Variants in BCAT2 observed in about 807,000 individuals in gnomAD.
The protein encoded by BCAT2 is branched chain amino acid transaminase 2.
A neutral mutation model predicts 52.9 loss-of-function variants in BCAT2; 44 were observed. That is an observed-to-expected ratio of 0.83 (90% CI 0.65 to 1.07). The LOEUF (loss-of-function observed/expected upper bound fraction) is 1.07. Ranked by LOEUF, BCAT2 falls within the 50% of genes least tolerant of loss-of-function variation. BCAT2 has a pLI of 0.00. For missense variants in BCAT2, 478 were observed against 521.8 expected, an observed-to-expected ratio of 0.92 and a Z score of 0.82; for synonymous variants, 215 against 217.1, an observed-to-expected ratio of 0.99 and a Z score of 0.08.
At chr19:48,810,770 C>A in intron 1 of BCAT2, 398 of 812,924 alleles carry the variant, frequency 4.9e-4, no homozygotes, top group Non-Finnish European at 5.8e-4. Flanking sequence ...CCGCCAATTA[C>A]TTGCCCCACC....
intron 8 of BCAT2, 100 bp downstream of exon 8, chr19:48,796,837 G>A (rs2034534368): frequency 1.9e-6 from 3 of 1,592,078 alleles, no homozygotes; most frequent in Non-Finnish European, 1.7e-6. Context: ...ACAGACCCAG[G>A]AGAAGGGGCA....
intron 10 of BCAT2, chr19:48,796,088 T>C: frequency 2.2e-6 from 1 of 456,688 alleles, no homozygotes; most frequent in Non-Finnish European, 3.9e-6. Context: ...AGGGAGGGAG[T>C]TTCTCCCACC....
intron 1 of BCAT2, among the ~76,000 whole-genome samples, chr19:48,809,994 C>T (rs992980391): frequency 2.0e-5 from 3 of 152,018 alleles, no homozygotes; most frequent in African/African-American, 7.2e-5. Context: ...GAGTTCAGGG[C>T]CATTCTATGA....
intron 3 of BCAT2, among the ~76,000 whole-genome samples, chr19:48,802,436 G>A (rs2034676819): frequency 7.1e-6 from 1 of 141,778 alleles, no homozygotes; most frequent in Admixed American, 7.6e-5. Context: ...GTGTGTACTG[G>A]ATTCCTTTTT....
intron 1 of BCAT2, 167 bp downstream of exon 1, chr19:48,810,817 A>C (rs1599815960): frequency 6.9e-7 from 1 of 1,458,024 alleles, no homozygotes; most frequent in African/African-American, 1.5e-5. Flanking sequence ...ACCCCATTAA[A>C]GCCTCGTGCT....
At position 48,799,904 on chromosome 19, in the gene BCAT2, G is replaced by T; in HGVS notation, c.532-66C>A. On this transcript the variant is annotated intron_variant, in intron 5 of 10. Transcript: ENST00000316273. This position sits in a 1 kb window ranked among gnomAD's most constrained non-coding sequence, Gnocchi z 5.5. ...CAGTCCCTTCCCGTCCCCAGGCCCAGGCCTCCAGGACCCCACCCCTGCCCT... is the reference window on the plus strand; with the variant it reads ...CAGTCCCTTCCCGTCCCCAGGCCCATGCCTCCAGGACCCCACCCCTGCCCT... 6.3e-7 allele frequency: 1 copy of T among 1,597,092 alleles called. No homozygotes were observed. Among genetic ancestry groups the T allele is most frequent in the Non-Finnish European group, 8.5e-7 (1 of 1,172,514 alleles).
Position 48,799,620 on chromosome 19 carries a change from C to T in BCAT2, c.695+55G>A. ...TGGCCGAAAGCACGCACGCTGGTCC[C>T]TGTGTCTCCAACGCCCAGTGCGCCA... On this transcript the variant is annotated intron_variant, in intron 6 of 10. Coordinates refer to ENST00000316273, the MANE Select transcript of BCAT2 (RefSeq NM_001190.4). The surrounding 1 kb of genome is among the most constrained non-coding windows in gnomAD (Gnocchi z 5.5). 6.7e-7 allele frequency: 1 copy of T among 1,498,010 alleles called. No individual in the cohort carries two copies. The highest frequency in any genetic ancestry group is 8.9e-7 in the Non-Finnish European group (1 of 1,126,832). 92.8% of individuals were successfully genotyped at this position (1,498,010 alleles called of 1,614,324 possible).
intron 1 of BCAT2, among the ~76,000 whole-genome samples, chr19:48,809,619 T>C (rs2034875263): frequency 1.3e-5 from 2 of 151,878 alleles, no homozygotes; most frequent in African/African-American, 4.8e-5. Context: ...TGCCTGTAAC[T>C]TATCAGAACT....
In BCAT2 at chr19:48,799,318, G is replaced by T; in HGVS notation, c.695+357C>A. The T allele has an allele frequency of 4.7e-6, 1 of 210,530 alleles. No homozygotes were observed. The highest frequency in any genetic ancestry group is 9.3e-6 in the Non-Finnish European group (1 of 106,990). 13.0% of individuals were successfully genotyped at this position (210,530 alleles called of 1,614,324 possible). ...CAAACGACTGTGGGAGCTGGGTATGGGGAGCGCAGCCCAGCCTGGGGGATC... is the reference window on the plus strand; with the variant it reads ...CAAACGACTGTGGGAGCTGGGTATGTGGAGCGCAGCCCAGCCTGGGGGATC... On this transcript the variant is annotated intron_variant, in intron 6 of 10. Transcript: ENST00000316273. The surrounding 1 kb of genome is among the most constrained non-coding windows in gnomAD (Gnocchi z 5.5).
At chr19:48,808,628 G>A (rs903487221) in intron 1 of BCAT2, among the ~76,000 whole-genome samples, 3 of 151,872 alleles carry the variant, frequency 2.0e-5, no homozygotes, top group Admixed American at 6.6e-5. Context: ...GGTGGCGGGC[G>A]CCTGTAGTCC....
chr19:48,799,387 C>A lies in BCAT2; in HGVS notation c.695+288G>T. ...GAGAAGCCAATGAGCTGAGTGTAAG[C>A]TTCACTCCTGGAGGCTTCCAGGGAC... On this transcript the variant is annotated intron_variant, in intron 6 of 10. Coordinates refer to ENST00000316273, the MANE Select transcript of BCAT2 (RefSeq NM_001190.4). This position sits in a 1 kb window ranked among gnomAD's most constrained non-coding sequence, Gnocchi z 5.5. 1 of 362,332 alleles carries A rather than the reference C, an allele frequency of 2.8e-6. No homozygotes were observed. Among genetic ancestry groups the A allele is most frequent in the Non-Finnish European group, 4.9e-6 (1 of 203,758 alleles). 22.4% of individuals were successfully genotyped at this position (362,332 alleles called of 1,614,324 possible).
intron 1 of BCAT2, chr19:48,810,684 A>G: frequency 1.3e-6 from 1 of 752,546 alleles, no homozygotes; most frequent in Non-Finnish European, 1.8e-6. Flanking sequence ...CCCAAATCAC[A>G]ACCTCCCCAC....
rs2034905283 is a variant in BCAT2 at position 48,810,818 on chromosome 19, G to T, written c.24+166C>A. The T allele has an allele frequency of 4.3e-6, 6 of 1,379,794 alleles. No individual in the cohort carries two copies. In the South Asian group the frequency reaches 5.6e-5, roughly 13 times the overall value. The allele number at this position is 1,379,794 out of a possible 1,614,324, so 85.5% of individuals were successfully genotyped here. A position where few individuals can be genotyped will look rare whatever the true frequency, so the allele number is the denominator to read the frequency against. Reference sequence around the variant, plus strand: ...ACCTGCTCCCCCTCACCCCATTAAAGCCTCGTGCTCCTTTCCAAAGGGCGC... The same window carrying T: ...ACCTGCTCCCCCTCACCCCATTAAATCCTCGTGCTCCTTTCCAAAGGGCGC... On this transcript the variant is annotated intron_variant, in intron 1 of 10. Transcript: ENST00000316273.
rs1261328842 is a variant in BCAT2 at position 48,800,022 on chromosome 19, C to G, written c.490G>C (p.Gly164Arg). The change falls in exon 5 of 11, where the codon GGC becomes CGC. Residue 164 changes from glycine (G) to arginine (R), a missense_variant. Transcript: ENST00000316273. ...ACAGGCCGCACATAGAGGCTGGTGC[C>G]GGCGGCATCGGGGACCCAGTCCTTG... Reference protein sequence around the residue: ...VDKDWVPDAAGTSLYVRPVLI... With the variant: ...VDKDWVPDAARTSLYVRPVLI... 6.2e-7 allele frequency: 1 copy of G among 1,613,518 alleles called. No individual in the cohort carries two copies. The highest frequency in any genetic ancestry group is 8.5e-7 in the Non-Finnish European group (1 of 1,179,886).
chr19:48,803,153 C>G (rs554712051), intron 3 of BCAT2, among the ~76,000 whole-genome samples: 2 of 152,050 alleles, frequency 1.3e-5, no homozygotes, highest in African/African-American at 4.8e-5. Flanking sequence ...TGAGACCATG[C>G]CACTGCACTC....
intron 3 of BCAT2, among the ~76,000 whole-genome samples, chr19:48,801,336 A>G (rs905148602): frequency 9.8e-4 from 149 of 152,116 alleles, no homozygotes; most frequent in African/African-American, 3.5e-3. Flanking sequence ...GATAAAAACC[A>G]CCACCACAAA....
rs895051079 is a variant in BCAT2, at chr19:48,795,144, G to A, written c.*282C>T. On this transcript the variant is annotated 3_prime_UTR_variant, in exon 11 of 11. Transcript: ENST00000316273. The stretch of plus-strand genomic sequence containing the variant: ...AACGGCAGCACCAGGGGTCTGGCCT[G>A]AGAACGGAGAGATCCGGAATCGGGG... 1.9e-6 allele frequency: 1 copy of A among 536,768 alleles called. No individual in the cohort carries two copies. The highest frequency in any genetic ancestry group is 3.1e-5 in the East Asian group (1 of 32,262). The allele number at this position is 536,768 out of a possible 1,614,324, so 33.3% of individuals were successfully genotyped here.
chr19:48,806,941 A>C (rs1272931794), intron 2 of BCAT2, 59 bp downstream of exon 2: 2 of 1,583,066 alleles, frequency 1.3e-6, no homozygotes, highest in Non-Finnish European at 1.7e-6. Context: ...GGAGATGCCC[A>C]AAACCAGCTG....
chr19:48,804,910 T>C (rs2122684321), intron 3 of BCAT2, among the ~76,000 whole-genome samples: 1 of 151,864 alleles, frequency 6.6e-6, no homozygotes, highest in Middle Eastern at 3.4e-3. Context: ...ATTGGAGGTG[T>C]GTGTGCTCTG....
Sources: gnomAD v4.1 joint callset for allele counts (sites outside exome capture counted in the v4.1 genomes callset) on GRCh38, gnomAD v4.1.1 for gene constraint, Gnocchi (gnomAD v3.1) non-coding constraint, MANE v1.5 for transcripts, NCBI Gene and HGNC (gene_info 2026-07-23, HGNC 2026-07-21) for gene names.